DPH6: variants seen among roughly 807,000 people sequenced by gnomAD.
The protein encoded by DPH6 is diphthamine biosynthesis 6, also known as diphthine--ammonia ligase.
In DPH6, 33 loss-of-function variants were observed where a neutral mutation model predicts 38.2. That is an observed-to-expected ratio of 0.86 (90% CI 0.65 to 1.15). The LOEUF (loss-of-function observed/expected upper bound fraction) is 1.15, where lower values mean the gene tolerates loss of function less well. DPH6 is among the 50% of genes most tolerant of loss of function. DPH6 has a pLI of 0.00. For synonymous variants in DPH6, 108 were observed against 103.0 expected, an observed-to-expected ratio of 1.05 and a Z score of -0.30; for missense variants, 325 against 320.0, an observed-to-expected ratio of 1.02 and a Z score of -0.12.
intron 3 of DPH6, chr15:35,237,169 A>G: frequency 1.6e-6 from 1 of 616,246 alleles, no homozygotes; most frequent in Non-Finnish European, 2.8e-6. Flanking sequence ...TTAAAAATTC[A>G]GCATTAAAAG....
intron 3 of DPH6, chr15:35,489,307 G>C (rs2054445486): frequency 2.0e-6 from 2 of 983,446 alleles, no homozygotes; most frequent in Middle Eastern, 5.2e-4. Flanking sequence ...GATAAGCAAA[G>C]AGAAGCAGTG....
chr15:35,413,032 T>G (rs968080422), intron 5 of DPH6, among the ~76,000 whole-genome samples: 1 of 151,720 alleles, frequency 6.6e-6, no homozygotes, highest in Admixed American at 6.6e-5. Flanking sequence ...TTAACAAATG[T>G]ACAACTCTAG....
chr15:35,533,693 TTTA>T (rs150630187), intron 3 of DPH6, among the ~76,000 whole-genome samples: 7,878 of 150,984 alleles, frequency 0.052, 228 homozygotes, highest in Middle Eastern at 0.086. Context: ...GTATTTAATA[TTTA>T]TTATTAAAAT....
chr15:35,286,775 C>CT (rs1298029867), intron 3 of DPH6, among the ~76,000 whole-genome samples: 2 of 151,988 alleles, frequency 1.3e-5, no homozygotes, highest in Non-Finnish European at 2.9e-5. Flanking sequence ...AAAAGTTTTT[C>CT]TTTTTTAAAT....
chr15:35,405,366 T>G (rs960147694), intron 6 of DPH6, among the ~76,000 whole-genome samples: 1 of 152,110 alleles, frequency 6.6e-6, no homozygotes, highest in African/African-American at 2.4e-5. Flanking sequence ...CATTTTTTAA[T>G]GTCCACTTCA....
chr15:35,337,726 C>T (rs756293438), intron 3 of DPH6, among the ~76,000 whole-genome samples: 117 of 152,140 alleles, frequency 7.7e-4, no homozygotes, highest in Non-Finnish European at 1.4e-3. Flanking sequence ...ATCGCCAAGT[C>T]AATCCGAAGC....
downstream of DPH6, among the ~76,000 whole-genome samples, chr15:35,215,868 G>C (rs565849192): frequency 6.6e-6 from 1 of 152,180 alleles, no homozygotes. Context: ...GGTGGGACAC[G>C]GCAAACCTGG....
At chr15:35,162,051 C>T in the DPH6 span, among the ~76,000 whole-genome samples, 2 of 151,888 alleles carry the variant, frequency 1.3e-5, no homozygotes, top group South Asian at 4.1e-4. Context: ...TCACCAACAT[C>T]CTATCAAGTC....
chr15:35,344,962 G>A (rs192047947), intron 3 of DPH6, among the ~76,000 whole-genome samples: 22 of 151,860 alleles, frequency 1.4e-4, no homozygotes, highest in African/African-American at 5.3e-4. Flanking sequence ...ATTTTGGGGA[G>A]GAAAATGTTT....
At chr15:35,147,301 C>A in the DPH6 span, among the ~76,000 whole-genome samples, 1 of 152,142 alleles carries the variant, frequency 6.6e-6, no homozygotes, top group African/African-American at 2.4e-5. Context: ...CCTTCCGACG[C>A]CTTTCTCAAT....
At chr15:35,205,135 C>T in the DPH6 span, among the ~76,000 whole-genome samples, 3 of 151,906 alleles carry the variant, frequency 2.0e-5, no homozygotes, top group East Asian at 5.8e-4. Context: ...TTTTATATTA[C>T]TTAGAGTTTG....
At position 35,287,498 on chromosome 15, in the gene DPH6, C is replaced by T. The variant is rs569909152; in HGVS notation, n.201-66916G>A. 1.4e-4 allele frequency among the ~76,000 whole-genome samples: 21 copies of T among 152,206 alleles called. 1 individual carries two copies. The South Asian group carries it at 3.3e-3, about 24-fold the overall frequency. ...TGTAATTGTAGGGCATTATTAGTTTCGTGTGTATCATGTTTCCAGATCTGA... is the reference window on the plus strand; with the variant it reads ...TGTAATTGTAGGGCATTATTAGTTTTGTGTGTATCATGTTTCCAGATCTGA... On this transcript the variant is annotated intron_variant and non_coding_transcript_variant, in intron 3 of 3. Transcript: ENST00000560386.
chr15:35,421,868 T>C (rs921361244), intron 5 of DPH6, among the ~76,000 whole-genome samples: 2 of 152,014 alleles, frequency 1.3e-5, no homozygotes, highest in Non-Finnish European at 2.9e-5. Flanking sequence ...AGTTCCTTGG[T>C]AGAAAATAAG....
chr15:35,384,316 AAAAT>A (rs2140943977), intron 6 of DPH6, among the ~76,000 whole-genome samples: 1 of 152,322 alleles, frequency 6.6e-6, no homozygotes, highest in Non-Finnish European at 1.5e-5. Flanking sequence ...TAAGTAAACA[AAAAT>A]AACAAACTAC....
At chr15:35,272,804 G>T (rs2051831091) in intron 3 of DPH6, among the ~76,000 whole-genome samples, 1 of 152,038 alleles carries the variant, frequency 6.6e-6, no homozygotes, top group Non-Finnish European at 1.5e-5. Context: ...CTACTCTGGA[G>T]GCTGAGGCAG....
At chr15:35,226,902 C>T (rs2051485540) in intron 3 of DPH6, among the ~76,000 whole-genome samples, 1 of 152,102 alleles carries the variant, frequency 6.6e-6, no homozygotes, top group Admixed American at 6.6e-5. Flanking sequence ...GGATTGGTAT[C>T]AGCTCTTTAA....
At chr15:35,298,929 G>T (rs1238108993) in intron 3 of DPH6, 8 of 799,854 alleles carry the variant, frequency 1.0e-5, no homozygotes, top group African/African-American at 3.4e-5. Context: ...TGAGGCAATG[G>T]CAGCTCCGCC....
chr15:35,280,056 C>T (rs531226982), intron 3 of DPH6, among the ~76,000 whole-genome samples: 1 of 152,296 alleles, frequency 6.6e-6, no homozygotes, highest in South Asian at 2.1e-4. Context: ...GCACCTTGAT[C>T]TTAGACTTCC....
intron 7 of DPH6, among the ~76,000 whole-genome samples, chr15:35,378,083 C>CA (rs1300205369): frequency 6.6e-6 from 1 of 151,374 alleles, no homozygotes; most frequent in African/African-American, 2.4e-5. Context: ...CTTCATTATA[C>CA]AAAAAAGATT....
Sources: allele counts gnomAD v4.1 joint callset (sites outside exome capture counted in the v4.1 genomes callset), GRCh38; gene constraint gnomAD v4.1.1; transcripts MANE v1.5; gene names NCBI Gene and HGNC (gene_info 2026-07-23, HGNC 2026-07-21).